KCNMA1: variants seen among roughly 807,000 people sequenced by gnomAD.
KCNMA1 encodes potassium calcium-activated channel subfamily M alpha 1.
In KCNMA1, 29 loss-of-function variants were observed where a neutral mutation model predicts 140.0. The observed-to-expected ratio is 0.21, with a 90% CI of 0.15 to 0.28. KCNMA1 has a LOEUF of 0.28. Among genes scored for constraint, KCNMA1 ranks in the 10% least tolerant of loss-of-function variants. KCNMA1 has a pLI of 1.00. For synonymous variants in KCNMA1, 612 were observed against 611.9 expected, an observed-to-expected ratio of 1.00 and a Z score of 0.00; for missense variants, 880 against 1,602.2, an observed-to-expected ratio of 0.55 and a Z score of 7.70.
intron 21 of KCNMA1, chr10:76,949,587 A>G (rs1242075411): frequency 1.7e-6 from 1 of 590,268 alleles, no homozygotes; most frequent in East Asian, 2.9e-5. Context: ...GTCCAAATGT[A>G]TAGCCATACA....
chr10:76,924,622 A>G (rs1168673507), intron 23 of KCNMA1, among the ~76,000 whole-genome samples: 1 of 152,194 alleles, frequency 6.6e-6, no homozygotes, highest in Non-Finnish European at 1.5e-5. Context: ...TAAGGGTCTG[A>G]CAGGTCTTTG....
At chr10:76,940,010 G>A (rs1320593475) in intron 23 of KCNMA1, among the ~76,000 whole-genome samples, 1 of 152,366 alleles carries the variant, frequency 6.6e-6, no homozygotes, top group South Asian at 2.1e-4. Context: ...GTAAATAAAG[G>A]CACTTAGTTG....
intron 1 of KCNMA1, among the ~76,000 whole-genome samples, chr10:77,547,881 A>G (rs1355995046): frequency 2.0e-5 from 3 of 152,318 alleles, no homozygotes; most frequent in East Asian, 3.9e-4. Context: ...TTATTGGCAC[A>G]CAGCCATGCT....
chr10:77,386,398 G>A (rs1357281782), intron 2 of KCNMA1, among the ~76,000 whole-genome samples: 1 of 152,218 alleles, frequency 6.6e-6, no homozygotes, highest in Non-Finnish European at 1.5e-5. Flanking sequence ...AAGGGGAAGA[G>A]GAAGAATTGA....
At chr10:77,156,443 T>G (rs751419334) in intron 5 of KCNMA1, among the ~76,000 whole-genome samples, 12 of 152,198 alleles carry the variant, frequency 7.9e-5, no homozygotes, top group Non-Finnish European at 1.6e-4. Flanking sequence ...CAGAGCTGAC[T>G]CCCTCTTGCT....
chr10:77,192,922 A>G (rs2039083738), intron 3 of KCNMA1, among the ~76,000 whole-genome samples: 1 of 152,218 alleles, frequency 6.6e-6, no homozygotes, highest in Admixed American at 6.6e-5. Flanking sequence ...AGTGAAAATT[A>G]TATTTCCATG....
intron 3 of KCNMA1, among the ~76,000 whole-genome samples, chr10:77,198,714 C>T (rs1450485157): frequency 6.6e-6 from 1 of 151,778 alleles, no homozygotes; most frequent in Non-Finnish European, 1.5e-5. Flanking sequence ...CTGTAAACTC[C>T]CTGCTTAATA....
At chr10:77,459,716 C>T (rs978601042) in intron 1 of KCNMA1, among the ~76,000 whole-genome samples, 2 of 152,196 alleles carry the variant, frequency 1.3e-5, no homozygotes, top group Non-Finnish European at 2.9e-5. Flanking sequence ...ACAGCTTAGC[C>T]TTCCTCCCAG....
chr10:77,076,263 C>T lies in KCNMA1; in HGVS notation c.1594-3011G>A, dbSNP rs548720040. Reference sequence around the variant, plus strand: ...AGATAAAGGCCTCTTTCACTAGAGTCTTTGGGAAAAATAAAAAATCCACTG... The same window carrying T: ...AGATAAAGGCCTCTTTCACTAGAGTTTTTGGGAAAAATAAAAAATCCACTG... On this transcript the variant is annotated intron_variant, in intron 13 of 27. Coordinates refer to ENST00000286628, the MANE Select transcript of KCNMA1 (RefSeq NM_001161352.2). 5.9e-5 allele frequency among the ~76,000 whole-genome samples: 9 copies of T among 152,208 alleles called. No individual in the cohort carries two copies. In the South Asian group the frequency reaches 6.2e-4, roughly 11 times the overall value.
chr10:77,495,255 C>G (rs905996734), intron 1 of KCNMA1, among the ~76,000 whole-genome samples: 35 of 152,190 alleles, frequency 2.3e-4, no homozygotes, highest in African/African-American at 8.4e-4. Flanking sequence ...CTTCCCGGTT[C>G]CAGCCCCCAC....
Position 77,229,355 on chromosome 10 carries a change from A to G in KCNMA1, c.602+21840T>C, listed in dbSNP as rs569236736. 6.5e-4 allele frequency among the ~76,000 whole-genome samples: 85 copies of G among 130,768 alleles called. 1 individual carries two copies. The highest frequency in any genetic ancestry group is 2.4e-3 in the African/African-American group (84 of 35,262). 85.8% of individuals were successfully genotyped at this position (130,768 alleles called of 152,430 possible). A position where few individuals can be genotyped will look rare whatever the true frequency, so the allele number is the denominator to read the frequency against. On this transcript the variant is annotated intron_variant, in intron 3 of 27. Coordinates refer to ENST00000286628, the MANE Select transcript of KCNMA1 (RefSeq NM_001161352.2). ...CCATGGCAAAAAAAAAAAAAAAAAAAACTTTCTATAATGAGGTCCAATACC... is the reference window on the plus strand; with the variant it reads ...CCATGGCAAAAAAAAAAAAAAAAAAGACTTTCTATAATGAGGTCCAATACC...
In KCNMA1 at chr10:77,573,634, AATG is replaced by A. The variant is rs1567635878; in HGVS notation, c.378+63628_378+63630del. Among the ~76,000 whole-genome samples, 23 of 68,730 alleles carry A rather than the reference AATG, an allele frequency of 3.3e-4. 1 individual carries two copies. The highest frequency in any genetic ancestry group is 6.1e-4 in the Non-Finnish European group (20 of 32,608). The allele number at this position is 68,730 out of a possible 152,430, so 45.1% of individuals were successfully genotyped here. A position where few individuals can be genotyped will look rare whatever the true frequency, so the allele number is the denominator to read the frequency against. The stretch of plus-strand genomic sequence containing the variant: ...AATGGAATGGAATGGAATGGAATGG[AATG>A]GAATGGAATAGAATAGAATAGAATA... On this transcript the variant is annotated intron_variant, in intron 1 of 27. Transcript: ENST00000286628.
chr10:77,630,793 C>G (rs1255307682), intron 1 of KCNMA1, among the ~76,000 whole-genome samples: 1 of 151,976 alleles, frequency 6.6e-6, no homozygotes, highest in South Asian at 2.1e-4. Context: ...TAACAGCTCT[C>G]GGTGATTCCT....
At chr10:77,152,882 CG>C (rs2154059990) in intron 5 of KCNMA1, among the ~76,000 whole-genome samples, 1 of 152,232 alleles carries the variant, frequency 6.6e-6, no homozygotes, top group South Asian at 2.1e-4. Context: ...AATGAAGCGG[CG>C]GATGGAAAGG....
chr10:76,999,328 G>A (rs1198449202), intron 19 of KCNMA1, among the ~76,000 whole-genome samples: 3 of 152,198 alleles, frequency 2.0e-5, no homozygotes, highest in Non-Finnish European at 4.4e-5. Flanking sequence ...CATGACCAAG[G>A]GGCCCTAGCT....
At chr10:76,970,989 G>A (rs2075911931) in intron 19 of KCNMA1, 1 of 152,216 alleles carries the variant, frequency 6.6e-6, no homozygotes, top group Non-Finnish European at 1.5e-5. Context: ...CTTTGCAGAT[G>A]TATTAGCCTG....
chr10:77,505,873 G>A (rs1328491953), intron 1 of KCNMA1, among the ~76,000 whole-genome samples: 1 of 152,216 alleles, frequency 6.6e-6, no homozygotes, highest in Non-Finnish European at 1.5e-5. Flanking sequence ...AGAAATGACA[G>A]AGTCACGAGA....
chr10:76,929,083 C>T (rs1029622569), intron 23 of KCNMA1, among the ~76,000 whole-genome samples: 1 of 151,992 alleles, frequency 6.6e-6, no homozygotes, highest in South Asian at 2.1e-4. Flanking sequence ...GTTTCAATAT[C>T]TTAAATGCAA....
chr10:77,203,888 G>A (rs1393637644), intron 3 of KCNMA1, among the ~76,000 whole-genome samples: 1 of 152,026 alleles, frequency 6.6e-6, no homozygotes, highest in Non-Finnish European at 1.5e-5. Context: ...CTTGAAGTCA[G>A]GAATCCGAGA....
Sources: gnomAD v4.1 joint callset for allele counts (sites outside exome capture counted in the v4.1 genomes callset) on GRCh38, gnomAD v4.1.1 for gene constraint, MANE v1.5 for transcripts, NCBI Gene and HGNC (gene_info 2026-07-23, HGNC 2026-07-21) for gene names.